CARMIL1: variants seen among roughly 807,000 people sequenced by gnomAD.
The protein encoded by CARMIL1 is F-actin-uncapping protein LRRC16A.
In CARMIL1, 90 loss-of-function variants were observed where a neutral mutation model predicts 177.1. The ratio of observed to expected loss-of-function variants is 0.51; its 90% CI spans 0.43 to 0.61. The LOEUF (loss-of-function observed/expected upper bound fraction) is 0.61, where lower values mean the gene tolerates loss of function less well. Ranked by LOEUF, CARMIL1 falls within the 20% of genes least tolerant of loss-of-function variation. CARMIL1 has a pLI of 0.00. For synonymous variants in CARMIL1, 577 were observed against 606.2 expected, an observed-to-expected ratio of 0.95 and a Z score of 0.71; for missense variants, 1,380 against 1,667.0, an observed-to-expected ratio of 0.83 and a Z score of 3.00.
intron 2 of CARMIL1, among the ~76,000 whole-genome samples, chr6:25,297,441 C>T (rs567915759): frequency 1.3e-5 from 2 of 152,256 alleles, no homozygotes; most frequent in Admixed American, 1.3e-4. Flanking sequence ...GTTTAAATAG[C>T]ACTTAACCCT....
intron 32 of CARMIL1, among the ~76,000 whole-genome samples, chr6:25,598,678 G>T (rs961271128): frequency 1.3e-5 from 2 of 151,896 alleles, no homozygotes; most frequent in African/African-American, 2.4e-5. Context: ...TTCTACTTCT[G>T]CTATCACATT....
At chr6:25,482,384 T>A in intron 12 of CARMIL1, 41 bp downstream of exon 12, 1 of 937,918 alleles carries the variant, frequency 1.1e-6, no homozygotes, top group African/African-American at 1.7e-5. Context: ...GTCTGAAATA[T>A]TTCTGCTGCA....
intron 23 of CARMIL1, among the ~76,000 whole-genome samples, chr6:25,523,703 C>G (rs1341714179): frequency 2.0e-5 from 3 of 152,170 alleles, no homozygotes; most frequent in African/African-American, 4.8e-5. Context: ...AAACCAATGA[C>G]TTTTCTTAGA....
At chr6:25,530,744 A>T (rs904808737) in intron 24 of CARMIL1, among the ~76,000 whole-genome samples, 1 of 152,214 alleles carries the variant, frequency 6.6e-6, no homozygotes, top group African/African-American at 2.4e-5. Flanking sequence ...AATATGAGGT[A>T]TAAATAGGAT....
intron 28 of CARMIL1, 59 bp from the exon 29 acceptor site, chr6:25,556,642 T>C: frequency 6.5e-7 from 1 of 1,529,130 alleles, no homozygotes; most frequent in African/African-American, 1.4e-5. Flanking sequence ...TCAGGAATCC[T>C]GCTAACCAGC....
intron 2 of CARMIL1, among the ~76,000 whole-genome samples, chr6:25,321,638 T>C (rs1784677100): frequency 6.6e-6 from 1 of 151,616 alleles, no homozygotes; most frequent in Non-Finnish European, 1.5e-5. Flanking sequence ...TTAATTTTAT[T>C]TATTTCACTT....
chr6:25,450,099 T>C lies in CARMIL1; in HGVS notation c.469+104T>C, dbSNP rs1269008440. ...GTGCTACTGTAAAGGTGCAATTAGT[T>C]TCAAGGTGTAATTAGCAGCGCACAG... On this transcript the variant is annotated intron_variant, in intron 6 of 36. Coordinates refer to ENST00000329474, the MANE Select transcript of CARMIL1 (RefSeq NM_017640.6). 1.7e-5 allele frequency: 17 copies of C among 998,852 alleles called. No homozygotes were observed. The East Asian group carries it at 3.6e-4, about 21-fold the overall frequency. The allele number at this position is 998,852 out of a possible 1,614,324, so 61.9% of individuals were successfully genotyped here. A position where few individuals can be genotyped will look rare whatever the true frequency, so the allele number is the denominator to read the frequency against.
intron 2 of CARMIL1, among the ~76,000 whole-genome samples, chr6:25,381,913 C>G (rs1357469861): frequency 6.6e-6 from 1 of 152,012 alleles, no homozygotes; most frequent in Non-Finnish European, 1.5e-5. Flanking sequence ...GGTTGGTTCC[C>G]CTGGCAACCA....
intron 24 of CARMIL1, among the ~76,000 whole-genome samples, chr6:25,535,701 G>T (rs212931): frequency 1.3e-5 from 2 of 151,988 alleles, no homozygotes; most frequent in South Asian, 4.1e-4. Flanking sequence ...TTTATTTTTC[G>T]TATTTATGTA....
intron 2 of CARMIL1, among the ~76,000 whole-genome samples, chr6:25,394,949 A>G (rs1793233428): frequency 6.6e-6 from 1 of 152,250 alleles, no homozygotes; most frequent in Non-Finnish European, 1.5e-5. Context: ...CTTAAAATAT[A>G]TTCCGATTAA....
At chr6:25,582,337 A>G (rs1582431757) in intron 31 of CARMIL1, among the ~76,000 whole-genome samples, 1 of 152,242 alleles carries the variant, frequency 6.6e-6, no homozygotes, top group Non-Finnish European at 1.5e-5. Context: ...CTCTTCAGCA[A>G]TGTCCTTTCA....
chr6:25,506,034 C>T (rs1582180093), intron 17 of CARMIL1, among the ~76,000 whole-genome samples: 1 of 152,300 alleles, frequency 6.6e-6, no homozygotes, highest in East Asian at 1.9e-4. Context: ...CAAATACTGA[C>T]ATTTGTAATG....
chr6:25,341,543 G>A (rs1462951964), intron 2 of CARMIL1, among the ~76,000 whole-genome samples: 1 of 152,196 alleles, frequency 6.6e-6, no homozygotes, highest in Non-Finnish European at 1.5e-5. Context: ...GGCCAACATG[G>A]TGAAACACAG....
intron 2 of CARMIL1, among the ~76,000 whole-genome samples, chr6:25,297,999 A>G (rs1782559249): frequency 6.6e-6 from 1 of 152,158 alleles, no homozygotes; most frequent in Non-Finnish European, 1.5e-5. Context: ...CTGAAATGGC[A>G]TTTGCTAACA....
chr6:25,381,462 T>C (rs1241104766), intron 2 of CARMIL1, among the ~76,000 whole-genome samples: 1 of 152,226 alleles, frequency 6.6e-6, no homozygotes, highest in Non-Finnish European at 1.5e-5. Flanking sequence ...CACAAGACTC[T>C]TCTCCACTTT....
chr6:25,617,105 T>A (rs1187471805), intron 36 of CARMIL1, among the ~76,000 whole-genome samples: 4 of 152,284 alleles, frequency 2.6e-5, no homozygotes, highest in African/African-American at 9.6e-5. Context: ...TGAAATAATA[T>A]ATTATTTTTC....
intron 11 of CARMIL1, 184 bp downstream of exon 11, chr6:25,472,705 G>A (rs1471834390): frequency 1.8e-6 from 1 of 552,482 alleles, no homozygotes; most frequent in African/African-American, 1.9e-5. Flanking sequence ...TGTATGATCT[G>A]CTTCACCTTT....
chr6:25,482,553 A>G (rs1562198003), intron 12 of CARMIL1, among the ~76,000 whole-genome samples: 1 of 152,190 alleles, frequency 6.6e-6, no homozygotes, highest in Non-Finnish European at 1.5e-5. Context: ...AGCAGAGAGT[A>G]ATTTTGACAT....
At chr6:25,289,918 T>C (rs1781807908) in intron 2 of CARMIL1, among the ~76,000 whole-genome samples, 1 of 152,238 alleles carries the variant, frequency 6.6e-6, no homozygotes, top group Admixed American at 6.5e-5. Context: ...AACATACTTT[T>C]CCTTGCTCTG....
Sources: allele counts gnomAD v4.1 joint callset (sites outside exome capture counted in the v4.1 genomes callset), GRCh38; gene constraint gnomAD v4.1.1; transcripts MANE v1.5; gene names NCBI Gene and HGNC (gene_info 2026-07-23, HGNC 2026-07-21).